FILIP1L: variants seen among roughly 807,000 people sequenced by gnomAD.
The protein encoded by FILIP1L is filamin A-interacting protein 1-like.
In FILIP1L, 55 loss-of-function variants were observed where a neutral mutation model predicts 96.6. That is an observed-to-expected ratio of 0.57 (90% CI 0.46 to 0.71). FILIP1L has a LOEUF of 0.71. FILIP1L is among the 30% of genes least tolerant of loss of function. The pLI is 0.00. For missense variants in FILIP1L, 1,304 were observed against 1,321.2 expected, an observed-to-expected ratio of 0.99 and a Z score of 0.20; for synonymous variants, 467 against 473.9, an observed-to-expected ratio of 0.99 and a Z score of 0.19.
intron 1 of FILIP1L, among the ~76,000 whole-genome samples, chr3:99,946,218 T>C (rs1017761244): frequency 1.2e-4 from 18 of 152,234 alleles, no homozygotes; most frequent in Admixed American, 9.2e-4. Context: ...ATCTTCAGAA[T>C]AGCCCTGGAT....
chr3:99,878,290 C>T (rs1576542135), intron 4 of FILIP1L, among the ~76,000 whole-genome samples: 3 of 152,300 alleles, frequency 2.0e-5, no homozygotes, highest in East Asian at 3.9e-4. Flanking sequence ...ATACTTAGTG[C>T]TCTACAAGCA....
intron 1 of FILIP1L, among the ~76,000 whole-genome samples, chr3:99,960,333 C>T (rs1330839950): frequency 6.6e-6 from 1 of 152,060 alleles, no homozygotes; most frequent in Non-Finnish European, 1.5e-5. Context: ...AACGAGGGCT[C>T]CAAAAAGTTA....
At chr3:100,077,846 T>G (rs1418096777) in intron 1 of FILIP1L, among the ~76,000 whole-genome samples, 1 of 152,060 alleles carries the variant, frequency 6.6e-6, no homozygotes, top group African/African-American at 2.4e-5. Flanking sequence ...AGGTAGAGGC[T>G]ATAGTAAGCT....
At position 99,850,078 on chromosome 3, in the gene FILIP1L, G is replaced by T; in HGVS notation, c.1598C>A (p.Thr533Lys). The T allele has an allele frequency of 6.2e-7, 1 of 1,612,784 alleles. No individual in the cohort carries two copies. Among genetic ancestry groups the T allele is most frequent in the Non-Finnish European group, 8.5e-7 (1 of 1,179,742 alleles). ...SQLQVEQNKVTTVTEKLIEET... is the reference protein window; with the variant it reads ...SQLQVEQNKVKTVTEKLIEET... The stretch of plus-strand genomic sequence containing the variant: ...CTCAATTAACTTCTCAGTAACTGTT[G>T]TTACTTTATTTTGCTCCACTTGAAG... Residue 533 changes from threonine (T) to lysine (K), a missense_variant, in exon 5 of 6, where the codon ACA becomes AAA. Physicochemically the swap from Thr to Lys is moderately conservative, Grantham distance 78. Coordinates refer to ENST00000477258, the MANE Select transcript of FILIP1L (RefSeq NM_001387850.1).
intron 1 of FILIP1L, among the ~76,000 whole-genome samples, chr3:100,031,525 C>T (rs1029727591): frequency 6.6e-6 from 1 of 152,018 alleles, no homozygotes; most frequent in Non-Finnish European, 1.5e-5. Context: ...GAAGAAGCCA[C>T]GTTACAGAAC....
At chr3:100,015,325 A>T (rs978012960) in intron 1 of FILIP1L, among the ~76,000 whole-genome samples, 5 of 152,124 alleles carry the variant, frequency 3.3e-5, no homozygotes, top group African/African-American at 1.2e-4. Context: ...ATCAGGTAGT[A>T]TGATGCTTCA....
At chr3:100,085,206 A>G (rs1004254807) in intron 1 of FILIP1L, among the ~76,000 whole-genome samples, 1 of 152,250 alleles carries the variant, frequency 6.6e-6, no homozygotes, top group African/African-American at 2.4e-5. Flanking sequence ...ATTATACCGT[A>G]CAACCAACCT....
chr3:99,930,707 C>A, intron 2 of FILIP1L, 62 bp downstream of exon 2: 1 of 1,574,756 alleles, frequency 6.4e-7, no homozygotes, highest in Non-Finnish European at 8.7e-7. Context: ...GCAGCAGGAA[C>A]ACCAAATTCA....
intron 1 of FILIP1L, among the ~76,000 whole-genome samples, chr3:99,966,775 A>G (rs529969308): frequency 2.6e-5 from 4 of 152,344 alleles, no homozygotes; most frequent in African/African-American, 9.6e-5. Flanking sequence ...GTAAAGTTAT[A>G]TGGGCCACGT....
At chr3:100,108,341 T>A (rs976479337) in intron 1 of FILIP1L, among the ~76,000 whole-genome samples, 18 of 152,168 alleles carry the variant, frequency 1.2e-4, no homozygotes, top group African/African-American at 4.3e-4. Context: ...ATAATGATAA[T>A]AACAGCCTCT....
intron 4 of FILIP1L, among the ~76,000 whole-genome samples, chr3:99,865,205 G>A (rs1157650125): frequency 3.9e-5 from 6 of 152,086 alleles, no homozygotes; most frequent in South Asian, 2.1e-4. Flanking sequence ...AGGTATTACC[G>A]TCTTCTTATT....
At chr3:99,896,352 T>G (rs2107620369) in intron 4 of FILIP1L, among the ~76,000 whole-genome samples, 1 of 152,332 alleles carries the variant, frequency 6.6e-6, no homozygotes, top group South Asian at 2.1e-4. Flanking sequence ...ATTGGTATGC[T>G]TTTCTAGAGA....
intron 1 of FILIP1L, among the ~76,000 whole-genome samples, chr3:99,957,222 G>A (rs774663643): frequency 5.3e-5 from 8 of 152,068 alleles, no homozygotes; most frequent in Non-Finnish European, 1.2e-4. Context: ...GGGCCAAGCC[G>A]GTGATAAAGC....
intron 4 of FILIP1L, among the ~76,000 whole-genome samples, chr3:99,906,619 T>A (rs1246548268): frequency 6.6e-6 from 1 of 152,234 alleles, no homozygotes; most frequent in African/African-American, 2.4e-5. Context: ...AAGATAAAAC[T>A]GAAACACAGA....
At chr3:100,113,915 C>T (rs924694444) in intron 1 of FILIP1L, 138 bp downstream of exon 1, 1 of 152,176 alleles carries the variant, frequency 6.6e-6, no homozygotes, top group Non-Finnish European at 1.5e-5. Flanking sequence ...GTCATAAGCT[C>T]TTAATCATAC....
intron 3 of FILIP1L, among the ~76,000 whole-genome samples, chr3:99,926,786 A>G (rs1707305633): frequency 6.6e-6 from 1 of 152,232 alleles, no homozygotes; most frequent in Admixed American, 6.5e-5. Flanking sequence ...AGGTTTATTT[A>G]ATCCACTCTT....
At position 99,839,261 on chromosome 3, in the gene FILIP1L, G is replaced by T. The variant is rs545781133; in HGVS notation, c.3382-8656C>A. ...TGTTGAGCTCTTAGTTACCTTTTAA[G>T]CTACCCCTTAACTCCCACCTTTTAT... is the stretch of plus-strand genomic sequence containing the variant. On this transcript the variant is annotated intron_variant, in intron 5 of 5. Coordinates refer to ENST00000477258, the MANE Select transcript of FILIP1L (RefSeq NM_001387850.1). 2.0e-5 allele frequency among the ~76,000 whole-genome samples: 3 copies of T among 152,214 alleles called. No individual in the cohort carries two copies. The South Asian group carries it at 6.2e-4, about 32-fold the overall frequency.
At chr3:99,897,369 CAA>C (rs200872436) in intron 4 of FILIP1L, among the ~76,000 whole-genome samples, 4 of 134,264 alleles carry the variant, frequency 3.0e-5, no homozygotes, top group Admixed American at 7.5e-5. Context: ...GACTTTGTCT[CAA>C]AAAAAAAAAA....
At chr3:99,858,396 C>T (rs1273452266) in intron 4 of FILIP1L, among the ~76,000 whole-genome samples, 1 of 151,998 alleles carries the variant, frequency 6.6e-6, no homozygotes, top group Non-Finnish European at 1.5e-5. Context: ...ACCCGTGAGG[C>T]AGAGGTTGCA....
Sources: gnomAD v4.1 joint callset for allele counts (sites outside exome capture counted in the v4.1 genomes callset) on GRCh38, gnomAD v4.1.1 for gene constraint, MANE v1.5 for transcripts, NCBI Gene and HGNC (gene_info 2026-07-23, HGNC 2026-07-21) for gene names.